Variants in UBE2E2 observed in about 807,000 individuals in gnomAD.
UBE2E2 encodes ubiquitin-conjugating enzyme E2 E2.
UBE2E2 carries 6 observed loss-of-function variants against 24.7 expected under a neutral mutation model. The observed-to-expected ratio is 0.24, with a 90% CI of 0.13 to 0.48. The LOEUF is 0.48. Ranked by LOEUF, UBE2E2 falls within the 20% of genes least tolerant of loss-of-function variation. The pLI is 0.99. For synonymous variants in UBE2E2, 104 were observed against 83.6 expected (o/e 1.24, Z -1.33); for missense variants, 169 against 245.0 (o/e 0.69, Z 2.07).
intron 5 of UBE2E2, among the ~76,000 whole-genome samples, chr3:23,587,922 G>A (rs142753941): frequency 1.7e-3 from 266 of 152,330 alleles, no homozygotes; most frequent in Middle Eastern, 3.4e-3. Context: ...ATAAGTGAAT[G>A]TAGGAAACTG....
In UBE2E2 at chr3:23,368,009, C is replaced by T. The variant is rs1226304863; in HGVS notation, c.228-131599C>T. On this transcript the variant is annotated intron_variant, in intron 3 of 5. Transcript: ENST00000396703. The stretch of plus-strand genomic sequence containing the variant: ...TGTGGTTTTCCGTACACAGAATGGT[C>T]GATACACATATAGATATTTGGCTTT... Among the ~76,000 whole-genome samples, 18 of 151,942 alleles carry T rather than the reference C, an allele frequency of 1.2e-4. No individual in the cohort carries two copies. In the East Asian group the frequency reaches 3.3e-3, roughly 28 times the overall value.
At chr3:23,557,482 TCACA>T (rs1695818982) in intron 5 of UBE2E2, among the ~76,000 whole-genome samples, 1 of 152,052 alleles carries the variant, frequency 6.6e-6, no homozygotes, top group Admixed American at 6.6e-5. Flanking sequence ...CAGGACACAC[TCACA>T]CACAGACCCA....
intron 3 of UBE2E2, among the ~76,000 whole-genome samples, chr3:23,357,544 A>G (rs1465985342): frequency 6.6e-6 from 1 of 152,136 alleles, no homozygotes; most frequent in Admixed American, 6.5e-5. Flanking sequence ...ACTGTCTTAA[A>G]ATGGTATGTG....
At chr3:23,279,219 G>T (rs770585924) in intron 3 of UBE2E2, among the ~76,000 whole-genome samples, 7 of 151,980 alleles carry the variant, frequency 4.6e-5, no homozygotes, top group Admixed American at 1.3e-4. Flanking sequence ...GTGATTTCAG[G>T]GACTGCTTAC....
intron 3 of UBE2E2, among the ~76,000 whole-genome samples, chr3:23,457,716 G>C (rs1698711666): frequency 6.6e-6 from 1 of 152,150 alleles, no homozygotes; most frequent in Non-Finnish European, 1.5e-5. Context: ...GGATCTCCCT[G>C]TGTTGCCCAG....
chr3:23,421,817 A>C (rs1697806436), intron 3 of UBE2E2, among the ~76,000 whole-genome samples: 1 of 152,272 alleles, frequency 6.6e-6, no homozygotes, highest in African/African-American at 2.4e-5. Flanking sequence ...GGCATGGAAT[A>C]AGAGTCATTA....
At chr3:23,304,211 A>C (rs1219082067) in intron 3 of UBE2E2, among the ~76,000 whole-genome samples, 1 of 152,216 alleles carries the variant, frequency 6.6e-6, no homozygotes, top group Non-Finnish European at 1.5e-5. Context: ...AGTGTGGTGA[A>C]ATTATAGCAG....
intron 3 of UBE2E2, among the ~76,000 whole-genome samples, chr3:23,383,272 T>A (rs1321148949): frequency 6.6e-6 from 1 of 152,172 alleles, no homozygotes; most frequent in African/African-American, 2.4e-5. Flanking sequence ...ATACTGGATT[T>A]AAGTTGTCTA....
intron 3 of UBE2E2, among the ~76,000 whole-genome samples, chr3:23,304,971 A>G (rs1030044382): frequency 6.6e-6 from 1 of 152,108 alleles, no homozygotes; most frequent in African/African-American, 2.4e-5. Context: ...TCTCTGAAAG[A>G]TTATGCAGAC....
At chr3:23,536,489 G>A (rs552309636) in intron 5 of UBE2E2, among the ~76,000 whole-genome samples, 1 of 151,792 alleles carries the variant, frequency 6.6e-6, no homozygotes, top group African/African-American at 2.4e-5. Flanking sequence ...AGCTTGTTTT[G>A]TTCTAAACTC....
At chr3:23,494,951 T>C (rs1432311973) in intron 3 of UBE2E2, among the ~76,000 whole-genome samples, 5 of 152,084 alleles carry the variant, frequency 3.3e-5, no homozygotes, top group Non-Finnish European at 7.4e-5. Context: ...TTTGTATTTT[T>C]TTTAGTAAAG....
intron 4 of UBE2E2, among the ~76,000 whole-genome samples, chr3:23,523,032 T>C (rs1263921576): frequency 1.3e-5 from 2 of 151,784 alleles, no homozygotes; most frequent in Non-Finnish European, 2.9e-5. Context: ...GACAAAATAA[T>C]TGTGTAAAGA....
intron 3 of UBE2E2, among the ~76,000 whole-genome samples, chr3:23,226,972 CAAA>C (rs920959203): frequency 9.8e-5 from 8 of 81,678 alleles, no homozygotes; most frequent in Middle Eastern, 7.6e-3. Context: ...CCATGAAGAC[CAAA>C]AAAAAAAAAA....
chr3:23,365,432 A>C (rs1696227181), intron 3 of UBE2E2, among the ~76,000 whole-genome samples: 1 of 152,224 alleles, frequency 6.6e-6, no homozygotes, highest in Admixed American at 6.5e-5. Context: ...CAGAAGACAA[A>C]ATCAGTGCAC....
chr3:23,548,267 T>G (rs536475865), intron 5 of UBE2E2, among the ~76,000 whole-genome samples: 1 of 152,364 alleles, frequency 6.6e-6, no homozygotes, highest in East Asian at 1.9e-4. Context: ...TCATTATTTT[T>G]CTTACTCCTT....
At chr3:23,532,480 T>C (rs1292701060) in intron 4 of UBE2E2, 74 bp from the exon 5 acceptor site, 1 of 1,336,556 alleles carries the variant, frequency 7.5e-7, no homozygotes, top group Non-Finnish European at 9.8e-7. Context: ...GCAATTTTAT[T>C]AGACAAAAAT....
At chr3:23,240,357 A>C (rs186924562) in intron 3 of UBE2E2, among the ~76,000 whole-genome samples, 4 of 152,084 alleles carry the variant, frequency 2.6e-5, no homozygotes, top group African/African-American at 9.7e-5. Flanking sequence ...TTTTTTTCCT[A>C]TGTGGTAAAT....
chr3:23,252,240 A>G (rs1213705354), intron 3 of UBE2E2, among the ~76,000 whole-genome samples: 1 of 152,258 alleles, frequency 6.6e-6, no homozygotes, highest in Non-Finnish European at 1.5e-5. Context: ...TGTCATCACC[A>G]TAAAAGTTGT....
intron 3 of UBE2E2, among the ~76,000 whole-genome samples, chr3:23,392,580 TAAAC>T (rs1300128435): frequency 1.3e-5 from 2 of 152,272 alleles, no homozygotes; most frequent in East Asian, 1.9e-4. Flanking sequence ...ATGATGTTAA[TAAAC>T]AAATGTATGG....
Sources: allele counts gnomAD v4.1 joint callset (sites outside exome capture counted in the v4.1 genomes callset), GRCh38; gene constraint gnomAD v4.1.1; transcripts MANE v1.5; gene names NCBI Gene and HGNC (gene_info 2026-07-23, HGNC 2026-07-21).